The following NFIA variants were observed in gnomAD, a reference collection of about 807,000 sequenced individuals.
The protein encoded by NFIA is nuclear factor 1 A-type.
Under a neutral mutation model 62.8 loss-of-function variants are expected in NFIA, and 8 were observed. That is an observed-to-expected ratio of 0.13 (90% CI 0.07 to 0.23). NFIA has a LOEUF of 0.23. Among genes scored for constraint, NFIA ranks in the 10% least tolerant of loss-of-function variants. The pLI is 1.00. For missense variants in NFIA, 410 were observed against 642.1 expected, an observed-to-expected ratio of 0.64 and a Z score of 3.91; for synonymous variants, 235 against 238.1, an observed-to-expected ratio of 0.99 and a Z score of 0.12.
At chr1:61,382,444 A>G (rs1327546928) in intron 6 of NFIA, among the ~76,000 whole-genome samples, 1 of 152,248 alleles carries the variant, frequency 6.6e-6, no homozygotes, top group African/African-American at 2.4e-5. Flanking sequence ...AAGCAAAACA[A>G]AGGCAATGAA....
At chr1:61,258,823 G>C (rs1013766628) in intron 2 of NFIA, among the ~76,000 whole-genome samples, 2 of 151,976 alleles carry the variant, frequency 1.3e-5, no homozygotes, top group African/African-American at 4.8e-5. Context: ...CGACTCCTGG[G>C]CTGAAGTGAT....
chr1:61,370,638 A>G (rs940792681), intron 6 of NFIA, among the ~76,000 whole-genome samples: 63 of 152,222 alleles, frequency 4.1e-4, no homozygotes, highest in Non-Finnish European at 6.9e-4. Flanking sequence ...ATACAGTGTA[A>G]CTTTGGTTCT....
intron 2 of NFIA, among the ~76,000 whole-genome samples, chr1:61,185,194 A>G (rs1366318345): frequency 6.6e-6 from 1 of 152,198 alleles, no homozygotes. Context: ...CTCTTGTGAC[A>G]TTAGCAAGTT....
intron 4 of NFIA, among the ~76,000 whole-genome samples, chr1:61,337,776 C>G (rs1472032961): frequency 6.6e-6 from 1 of 152,180 alleles, no homozygotes; most frequent in Non-Finnish European, 1.5e-5. Context: ...CTAAGTGATG[C>G]TGCTTAGATA....
chr1:61,142,613 A>C (rs546110040), intron 2 of NFIA, among the ~76,000 whole-genome samples: 19 of 152,322 alleles, frequency 1.2e-4, no homozygotes, highest in Admixed American at 8.5e-4. Context: ...GGATTATGAA[A>C]TTGTAAAGGT....
intron 3 of NFIA, among the ~76,000 whole-genome samples, chr1:61,324,670 C>T (rs1660839370): frequency 6.6e-6 from 1 of 152,216 alleles, no homozygotes; most frequent in Non-Finnish European, 1.5e-5. Flanking sequence ...GGTTACCTGT[C>T]TCTCTTCAAA....
rs1553183289 is a variant in NFIA at position 61,406,556 on chromosome 1, C to CCCT, written c.1255-5_1255-4insCTC. ...CGTGTGTTTTCTGCCCCCCCCCCCC[C>CCCT]CACAGCCCAATGGGAGCAGCCAAGG... On this transcript the variant is annotated splice_polypyrimidine_tract_variant and splice_region_variant and intron_variant, in intron 8 of 10. Coordinates refer to ENST00000403491, the MANE Select transcript of NFIA (RefSeq NM_001134673.4). 8.8e-5 allele frequency: 110 copies of CCCT among 1,254,184 alleles called. 4 individuals carry two copies. Among genetic ancestry groups the CCCT allele is most frequent in the East Asian group, 4.2e-4 (11 of 25,896 alleles). The allele number at this position is 1,254,184 out of a possible 1,614,324, so 77.7% of individuals were successfully genotyped here.
chr1:61,211,944 G>A (rs991633743), intron 2 of NFIA, among the ~76,000 whole-genome samples: 4 of 152,098 alleles, frequency 2.6e-5, no homozygotes, highest in Admixed American at 1.3e-4. Context: ...CCATCTGCCC[G>A]CCTGGCCTCC....
At chr1:61,358,379 C>CTTTTTTTTTTTTTTTTTTTTT (rs34853369) in intron 5 of NFIA, among the ~76,000 whole-genome samples, 4 of 52,610 alleles carry the variant, frequency 7.6e-5, no homozygotes, top group Non-Finnish European at 9.5e-5. Context: ...TTCTTTCTTT[C>CTTTTTTTTTTTTTTTTTTTTT]TTTTTTTTTT....
intron 6 of NFIA, among the ~76,000 whole-genome samples, chr1:61,379,772 C>G (rs529527343): frequency 6.6e-6 from 1 of 152,140 alleles, no homozygotes; most frequent in African/African-American, 2.4e-5. Context: ...AGGCTGCTCT[C>G]GAACTCCTGG....
At chr1:61,205,693 C>T (rs1246213721) in intron 2 of NFIA, among the ~76,000 whole-genome samples, 3 of 152,066 alleles carry the variant, frequency 2.0e-5, no homozygotes, top group African/African-American at 7.2e-5. Context: ...AGTTGTGAGA[C>T]TGGGCAGAGT....
At chr1:61,367,350 A>G (rs914856354) in intron 6 of NFIA, among the ~76,000 whole-genome samples, 1 of 152,220 alleles carries the variant, frequency 6.6e-6, no homozygotes, top group Non-Finnish European at 1.5e-5. Flanking sequence ...CTGCACTAGC[A>G]TATATTAGAG....
chr1:61,368,513 C>T (rs562504144), intron 6 of NFIA, among the ~76,000 whole-genome samples: 29 of 152,326 alleles, frequency 1.9e-4, no homozygotes, highest in Admixed American at 1.6e-3. Context: ...TTTTAGCAAA[C>T]TACTTCTCTG....
chr1:61,458,470 GTA>G lies in NFIA; in HGVS notation c.*3152_*3153del, dbSNP rs1391276706. 6 of 152,032 alleles carry G rather than the reference GTA, an allele frequency of 3.9e-5. No homozygotes were observed. Among genetic ancestry groups the G allele is most frequent in the Non-Finnish European group, 5.9e-5 (4 of 67,986 alleles). The allele number at this position is 152,032 out of a possible 1,614,324, so 9.4% of individuals were successfully genotyped here. A position where few individuals can be genotyped will look rare whatever the true frequency, so the allele number is the denominator to read the frequency against. On this transcript the variant is annotated 3_prime_UTR_variant, in exon 11 of 11. Coordinates refer to ENST00000403491, the MANE Select transcript of NFIA (RefSeq NM_001134673.4). ...TGCCCGCTCAGAAGATATGTAATTT[GTA>G]TTGTTGTATAGTTTTATTGATTACA...
At chr1:61,323,554 G>A (rs1188059957) in intron 3 of NFIA, among the ~76,000 whole-genome samples, 5 of 152,214 alleles carry the variant, frequency 3.3e-5, no homozygotes, top group Middle Eastern at 3.4e-3. Context: ...AAAATAAGCC[G>A]TATCTCAAAT....
intron 3 of NFIA, among the ~76,000 whole-genome samples, chr1:61,318,219 A>C (rs1660473949): frequency 6.6e-6 from 1 of 151,820 alleles, no homozygotes; most frequent in Non-Finnish European, 1.5e-5. Flanking sequence ...TATATAACTT[A>C]CTTAAGTTCA....
chr1:61,157,278 T>A (rs1036108828), intron 2 of NFIA, among the ~76,000 whole-genome samples: 1 of 152,222 alleles, frequency 6.6e-6, no homozygotes, highest in African/African-American at 2.4e-5. Flanking sequence ...CTTGGTAACA[T>A]TCATAAGTTC....
At chr1:61,252,652 A>T (rs1218696155) in intron 2 of NFIA, among the ~76,000 whole-genome samples, 1 of 152,254 alleles carries the variant, frequency 6.6e-6, no homozygotes, top group Non-Finnish European at 1.5e-5. Context: ...TGCATTATAG[A>T]TACGCATTAT....
Position 61,319,107 on chromosome 1 carries a change from C to G in NFIA, c.626-13405C>G, listed in dbSNP as rs189901429. On this transcript the variant is annotated intron_variant, in intron 3 of 10. Coordinates refer to ENST00000403491, the MANE Select transcript of NFIA (RefSeq NM_001134673.4). ...TGTGTCAGTGTACATGTACTTCAGC[C>G]CAGTGAATATAATTCATTGAGGGTT... Among the ~76,000 whole-genome samples, 34 of 152,068 alleles carry G rather than the reference C, an allele frequency of 2.2e-4. No individual in the cohort carries two copies. In the East Asian group the frequency reaches 5.8e-3, roughly 26 times the overall value.
Sources: gnomAD v4.1 joint callset for allele counts (sites outside exome capture counted in the v4.1 genomes callset) on GRCh38, gnomAD v4.1.1 for gene constraint, MANE v1.5 for transcripts, NCBI Gene and HGNC (gene_info 2026-07-23, HGNC 2026-07-21) for gene names.